The following CNTNAP2 variants were observed in gnomAD, a reference collection of about 807,000 sequenced individuals.
CNTNAP2 encodes the protein contactin associated protein 2.
A neutral mutation model predicts 155.2 loss-of-function variants in CNTNAP2; 98 were observed. The observed-to-expected ratio is 0.63, with a 90% confidence interval of 0.54 to 0.75. The LOEUF (loss-of-function observed/expected upper bound fraction) is 0.75, where lower values mean the gene tolerates loss of function less well. CNTNAP2 is among the 30% of genes least tolerant of loss of function. The pLI, the probability that CNTNAP2 is intolerant of heterozygous loss-of-function variation, is 0.00. For missense variants in CNTNAP2, 1,727 were observed against 1,688.1 expected (o/e 1.02, Z -0.40); for synonymous variants, 651 against 631.2 (o/e 1.03, Z -0.47).
chr7:147,162,896 C>T lies in CNTNAP2; in HGVS notation c.1348+30387C>T, dbSNP rs139853012. Among the ~76,000 whole-genome samples, 725 of 152,286 alleles carry T rather than the reference C, an allele frequency of 4.8e-3. 3 individuals are homozygous for T. Among genetic ancestry groups the T allele is most frequent in the African/African-American group, 0.016 (650 of 41,554 alleles). ...CTTCTAGCAATGGAGCTTTGCTTCT[C>T]GCTCTTGGGTTTTCACGTCGGCTGG... On this transcript the variant is annotated intron_variant, in intron 8 of 23. Coordinates refer to ENST00000361727, the MANE Select transcript of CNTNAP2 (RefSeq NM_014141.6).
intron 9 of CNTNAP2, among the ~76,000 whole-genome samples, chr7:147,365,475 T>C (rs1222900109): frequency 1.3e-5 from 2 of 151,638 alleles, no homozygotes; most frequent in Non-Finnish European, 2.9e-5. Context: ...TCACACATTA[T>C]CTTTGTCAGA....
intron 13 of CNTNAP2, among the ~76,000 whole-genome samples, chr7:147,842,120 C>T (rs1302372831): frequency 6.6e-5 from 10 of 152,160 alleles, no homozygotes; most frequent in African/African-American, 2.4e-4. Context: ...ATGCATAATT[C>T]ATTTGCTCTT....
intron 13 of CNTNAP2, among the ~76,000 whole-genome samples, chr7:147,851,532 T>A (rs200567911): frequency 2.0e-5 from 3 of 151,860 alleles, no homozygotes; most frequent in Non-Finnish European, 2.9e-5. Flanking sequence ...CAAATATCCA[T>A]CAATGATAGA....
At chr7:147,208,182 G>C (rs939172996) in intron 8 of CNTNAP2, among the ~76,000 whole-genome samples, 1 of 151,980 alleles carries the variant, frequency 6.6e-6, no homozygotes, top group African/African-American at 2.4e-5. Context: ...CACACTCTGG[G>C]GGGTCTGCAT....
At chr7:147,488,197 CCATT>C (rs1394795634) in intron 11 of CNTNAP2, among the ~76,000 whole-genome samples, 2 of 152,162 alleles carry the variant, frequency 1.3e-5, no homozygotes, top group Non-Finnish European at 2.9e-5. Context: ...ACAATGTATG[CCATT>C]CAGTTTGACA....
chr7:146,510,609 T>A (rs540551306), intron 1 of CNTNAP2, among the ~76,000 whole-genome samples: 1 of 152,324 alleles, frequency 6.6e-6, no homozygotes, highest in East Asian at 1.9e-4. Flanking sequence ...ATTCTTGCAA[T>A]CCACAGATAT....
At chr7:146,988,841 T>C (rs535801130) in intron 3 of CNTNAP2, among the ~76,000 whole-genome samples, 2 of 152,342 alleles carry the variant, frequency 1.3e-5, no homozygotes, top group African/African-American at 4.8e-5. Flanking sequence ...AAAGTAGGAA[T>C]TGAGCTCTGC....
chr7:146,140,000 A>C (rs1307059757), intron 1 of CNTNAP2, among the ~76,000 whole-genome samples: 1 of 152,126 alleles, frequency 6.6e-6, no homozygotes, highest in African/African-American at 2.4e-5. Context: ...GTCCAGTCAA[A>C]GCCCTCTGTT....
At chr7:148,003,795 G>A (rs912175067) in intron 15 of CNTNAP2, among the ~76,000 whole-genome samples, 4 of 152,222 alleles carry the variant, frequency 2.6e-5, no homozygotes, top group Admixed American at 2.6e-4. Context: ...CATTCTTAGG[G>A]GTTTCACTAA....
chr7:148,174,779 T>G (rs561130323), intron 18 of CNTNAP2, among the ~76,000 whole-genome samples: 2 of 152,334 alleles, frequency 1.3e-5, no homozygotes, highest in African/African-American at 4.8e-5. Flanking sequence ...CTGCGATACA[T>G]GTGCAGAACA....
chr7:147,458,702 A>T (rs1198638900), intron 10 of CNTNAP2, among the ~76,000 whole-genome samples: 1 of 152,150 alleles, frequency 6.6e-6, no homozygotes, highest in Non-Finnish European at 1.5e-5. Flanking sequence ...ATATTTTGTA[A>T]AATATGTAGA....
At chr7:147,952,357 G>A (rs529387242) in intron 14 of CNTNAP2, among the ~76,000 whole-genome samples, 14 of 148,700 alleles carry the variant, frequency 9.4e-5, no homozygotes, top group Non-Finnish European at 1.5e-4. Flanking sequence ...CAGGAGAATC[G>A]CTTGAACCCA....
intron 3 of CNTNAP2, among the ~76,000 whole-genome samples, chr7:146,887,591 AT>A (rs1377260534): frequency 1.3e-5 from 2 of 151,602 alleles, no homozygotes; most frequent in Non-Finnish European, 2.9e-5. Context: ...ATTTTTCTGT[AT>A]TTTTTTTCTA....
intron 1 of CNTNAP2, among the ~76,000 whole-genome samples, chr7:146,690,261 A>G (rs1800674853): frequency 6.6e-6 from 1 of 152,156 alleles, no homozygotes; most frequent in African/African-American, 2.4e-5. Flanking sequence ...TTCAGTCCAC[A>G]ATTCACTACA....
At chr7:147,901,680 C>G (rs1331412883) in intron 13 of CNTNAP2, among the ~76,000 whole-genome samples, 1 of 152,212 alleles carries the variant, frequency 6.6e-6, no homozygotes, top group Non-Finnish European at 1.5e-5. Context: ...AGATGCAGCT[C>G]AACTATTTTG....
At chr7:146,351,812 A>C (rs1328373132) in intron 1 of CNTNAP2, among the ~76,000 whole-genome samples, 2 of 152,246 alleles carry the variant, frequency 1.3e-5, no homozygotes, top group Non-Finnish European at 2.9e-5. Flanking sequence ...ACTGCTTTCT[A>C]AAATGACATT....
rs528260313 is a variant in CNTNAP2, at chr7:146,537,284, TA to T, written c.98-236980del. 2.8e-3 allele frequency among the ~76,000 whole-genome samples: 429 copies of T among 152,144 alleles called. 3 individuals carry two copies. The highest frequency in any genetic ancestry group is 9.8e-3 in the African/African-American group (408 of 41,552). ...CTGTCTATTATTATAAATGTTAAAT[TA>T]AAAAAAGTTTTCAAAATAAGTATCT... On this transcript the variant is annotated intron_variant, in intron 1 of 23. Transcript: ENST00000361727.
At chr7:148,196,162 G>C (rs1301816693) in intron 18 of CNTNAP2, among the ~76,000 whole-genome samples, 1 of 152,178 alleles carries the variant, frequency 6.6e-6, no homozygotes, top group African/African-American at 2.4e-5. Flanking sequence ...TTTCCCCAGA[G>C]TTGAGCAATT....
rs1797396329 is a variant in CNTNAP2 at position 148,301,795 on chromosome 7, A to G, written c.3475+34669A>G. ...GGGTCCGTAGAACAGCAAGAAGATG[A>G]GCCTGTTGGTGGTAGAAGGCTTCTG... On this transcript the variant is annotated intron_variant, in intron 21 of 23. Coordinates refer to ENST00000361727, the MANE Select transcript of CNTNAP2 (RefSeq NM_014141.6). Among the ~76,000 whole-genome samples the G allele has an allele frequency of 3.3e-5, 5 of 152,266 alleles. No homozygotes were observed. The South Asian group carries it at 1.0e-3, about 32-fold the overall frequency.
Sources: gnomAD v4.1 joint callset for allele counts (sites outside exome capture counted in the v4.1 genomes callset) on GRCh38, gnomAD v4.1.1 for gene constraint, MANE v1.5 for transcripts, NCBI Gene and HGNC (gene_info 2026-07-23, HGNC 2026-07-21) for gene names.